The following OLFML2B variants were observed in gnomAD, a reference collection of about 807,000 sequenced individuals.
The protein encoded by OLFML2B is olfactomedin-like protein 2B.
OLFML2B carries 57 observed loss-of-function variants against 74.9 expected under a neutral mutation model. The ratio of observed to expected loss-of-function variants is 0.76; its 90% confidence interval spans 0.61 to 0.95. OLFML2B has a LOEUF of 0.95. OLFML2B is among the 40% of genes least tolerant of loss of function. The probability of loss-of-function intolerance (pLI) is 0.00; values close to 1 mark genes in which losing one functional copy is unlikely to be tolerated. For synonymous variants in OLFML2B, 388 were observed against 405.8 expected, an observed-to-expected ratio of 0.96 and a Z score of 0.53; for missense variants, 986 against 970.6, an observed-to-expected ratio of 1.02 and a Z score of -0.21.
At chr1:162,014,745 T>C (rs12026931) in intron 3 of OLFML2B, among the ~76,000 whole-genome samples, 12,211 of 152,300 alleles carry the variant, frequency 0.08, 609 homozygotes, top group East Asian at 0.17. Context: ...CAGACCCATC[T>C]GAAGACTACT....
In OLFML2B at chr1:162,006,303, G is replaced by A. The variant is rs758045750; in HGVS notation, c.717C>T (p.His239=). 14 of 1,581,382 alleles carry A rather than the reference G, an allele frequency of 8.9e-6. No individual in the cohort carries two copies. The highest frequency in any genetic ancestry group is 2.7e-5 in the African/African-American group (2 of 72,860). The part of the protein sequence containing the change: ...LQRDAAAAYA[H]PEYEERFLQE... ...TTGGAGGCTGGGGCTATACCTCTGG[G>A]TGGGCGTAGGCTGCTGCTGCATCCC... The change falls in exon 4 of 8, where the codon CAC becomes CAT. Residue 239 remains histidine, a synonymous_variant. Coordinates refer to ENST00000294794, the MANE Select transcript of OLFML2B (RefSeq NM_015441.3).
intron 6 of OLFML2B, among the ~76,000 whole-genome samples, chr1:161,991,685 G>C (rs1363569813): frequency 3.3e-5 from 5 of 152,246 alleles, no homozygotes; most frequent in African/African-American, 1.2e-4. Context: ...GCAGTGAGCT[G>C]AAATCGTGCC....
At chr1:161,995,732 C>A (rs1041348846) in intron 6 of OLFML2B, among the ~76,000 whole-genome samples, 4 of 152,194 alleles carry the variant, frequency 2.6e-5, no homozygotes, top group Admixed American at 2.0e-4. Flanking sequence ...GTGGGTCCTA[C>A]CTGCAGCCTG....
intron 2 of OLFML2B, among the ~76,000 whole-genome samples, chr1:162,018,063 T>C (rs1037722968): frequency 6.6e-6 from 1 of 152,140 alleles, no homozygotes; most frequent in East Asian, 1.9e-4. Flanking sequence ...TTCTCACTTA[T>C]AGGTGGGAGC....
At chr1:162,004,033 T>A (rs1443365625) in intron 4 of OLFML2B, among the ~76,000 whole-genome samples, 1 of 152,216 alleles carries the variant, frequency 6.6e-6, no homozygotes, top group Non-Finnish European at 1.5e-5. Flanking sequence ...TTTGGTTTGC[T>A]GTTTGCCCTC....
rs151070849 is a variant in OLFML2B at position 161,998,411 on chromosome 1, G to A, written c.950-62C>T. 43 of 1,505,490 alleles carry A rather than the reference G, an allele frequency of 2.9e-5. No homozygotes were observed. In the East Asian group the frequency reaches 9.4e-4, roughly 33 times the overall value. The allele number at this position is 1,505,490 out of a possible 1,614,324, so 93.3% of individuals were successfully genotyped here. On this transcript the variant is annotated intron_variant, in intron 5 of 7. Coordinates refer to ENST00000294794, the MANE Select transcript of OLFML2B (RefSeq NM_015441.3). ...AAGAAACAACCTACAGATGACAAGA[G>A]CACATGGCAATGAGCAGGTGAATTA...
chr1:162,013,152 T>G (rs186073700), intron 3 of OLFML2B, among the ~76,000 whole-genome samples: 3 of 152,304 alleles, frequency 2.0e-5, no homozygotes, highest in Admixed American at 2.0e-4. Flanking sequence ...AGTTACAGGT[T>G]TTCTTTCTAG....
intron 4 of OLFML2B, among the ~76,000 whole-genome samples, chr1:162,004,894 G>A (rs1690177749): frequency 6.6e-6 from 1 of 152,218 alleles, no homozygotes. Context: ...GGGCACCAGT[G>A]TGCCACAACT....
intron 3 of OLFML2B, among the ~76,000 whole-genome samples, chr1:162,011,361 G>A (rs34415944): frequency 6.6e-6 from 1 of 152,192 alleles, no homozygotes; most frequent in Non-Finnish European, 1.5e-5. Flanking sequence ...TGGACCCAAG[G>A]GGGGAGGGCT....
In OLFML2B at chr1:161,983,823, G is replaced by C. The variant is rs1689497202; in HGVS notation, c.2105C>G (p.Thr702Ser). 6.2e-7 allele frequency: 1 copy of C among 1,614,038 alleles called. No homozygotes were observed. Among genetic ancestry groups the C allele is most frequent in the African/African-American group, 1.3e-5 (1 of 74,898 alleles). Reference sequence around the variant, plus strand: ...GGGGACGATCTGTGTGTTGGTGTGGGTGTCGAAAGCGTAGGAGATGTTGGC... The same window carrying C: ...GGGGACGATCTGTGTGTTGGTGTGGCTGTCGAAAGCGTAGGAGATGTTGGC... ...RNANISYAFD[T>S]HTNTQIVPRL... The change falls in exon 8 of 8, where the codon ACC becomes AGC. Residue 702 changes from threonine to serine, a missense_variant. Coordinates refer to ENST00000294794, the MANE Select transcript of OLFML2B (RefSeq NM_015441.3).
chr1:162,017,542 G>A, intron 2 of OLFML2B, 35 bp from the exon 3 acceptor site: 1 of 1,503,018 alleles, frequency 6.7e-7, no homozygotes, highest in Non-Finnish European at 9.1e-7. Flanking sequence ...TCCAGGGCTG[G>A]GGCACACAGA....
intron 4 of OLFML2B, 153 bp from the exon 5 acceptor site, chr1:162,000,491 G>A: frequency 1.7e-6 from 1 of 599,698 alleles, no homozygotes; most frequent in African/African-American, 1.9e-5. Flanking sequence ...ATTTACATAT[G>A]TTAACTAATT....
At chr1:161,990,656 T>C (rs1689711768) in intron 6 of OLFML2B, among the ~76,000 whole-genome samples, 1 of 152,224 alleles carries the variant, frequency 6.6e-6, no homozygotes, top group Admixed American at 6.5e-5. Flanking sequence ...GAGGAGTGGA[T>C]GCTGAAGGCT....
At chr1:161,987,940 A>T (rs561778348) in intron 6 of OLFML2B, among the ~76,000 whole-genome samples, 3 of 152,318 alleles carry the variant, frequency 2.0e-5, no homozygotes, top group East Asian at 1.9e-4. Flanking sequence ...TCAGTAAACC[A>T]TGAGACCCAG....
At chr1:162,003,791 C>T (rs574603385) in intron 4 of OLFML2B, among the ~76,000 whole-genome samples, 294 of 152,290 alleles carry the variant, frequency 1.9e-3, no homozygotes, top group Non-Finnish European at 3.2e-3. Flanking sequence ...CTACAGGAAC[C>T]CTGAAAATGA....
intron 6 of OLFML2B, among the ~76,000 whole-genome samples, chr1:161,987,750 C>T (rs1370717423): frequency 6.6e-6 from 1 of 152,124 alleles, no homozygotes; most frequent in South Asian, 2.1e-4. Context: ...GTTAGGGCAC[C>T]CTTATTTCTG....
chr1:162,017,959 A>G (rs1371473795), intron 2 of OLFML2B, among the ~76,000 whole-genome samples: 1 of 152,232 alleles, frequency 6.6e-6, no homozygotes, highest in African/African-American at 2.4e-5. Context: ...GCCATGAAAA[A>G]AATGAGATCA....
At chr1:161,998,428 G>A in intron 5 of OLFML2B, 79 bp from the exon 6 acceptor site, 1 of 1,471,100 alleles carries the variant, frequency 6.8e-7, no homozygotes, top group African/African-American at 1.4e-5. Context: ...GCAATGAGCA[G>A]GTGAATTAGA....
intron 6 of OLFML2B, among the ~76,000 whole-genome samples, chr1:161,997,441 AC>A (rs1281890626): frequency 3.3e-5 from 5 of 151,762 alleles, no homozygotes; most frequent in Non-Finnish European, 5.9e-5. Flanking sequence ...CCCAGTAAAA[AC>A]CCTTTGTTCT....
Sources: gnomAD v4.1 joint callset for allele counts (sites outside exome capture counted in the v4.1 genomes callset) on GRCh38, gnomAD v4.1.1 for gene constraint, MANE v1.5 for transcripts, NCBI Gene and HGNC (gene_info 2026-07-23, HGNC 2026-07-21) for gene names.